Variants in TCOF1 observed in about 807,000 individuals in gnomAD.
TCOF1 encodes the protein treacle protein.
A neutral mutation model predicts 149.0 loss-of-function variants in TCOF1; 33 were observed. The observed-to-expected ratio is 0.22, with a 90% CI of 0.17 to 0.30. TCOF1 has a LOEUF of 0.30. Ranked by LOEUF, TCOF1 falls within the 10% of genes least tolerant of loss-of-function variation. The pLI is 1.00. For synonymous variants in TCOF1, 789 were observed against 738.8 expected (o/e 1.07, Z -1.10); for missense variants, 1,728 against 1,840.7 (o/e 0.94, Z 1.12).
chr5:150,398,579 A>G (rs1769083251), intron 25 of TCOF1, 128 bp downstream of exon 25: 5 of 1,433,234 alleles, frequency 3.5e-6, no homozygotes, highest in Admixed American at 3.7e-5. Context: ...AGGGGTTGTG[A>G]CACACCAGGG....
chr5:150,376,070 G>A lies in TCOF1; in HGVS notation c.1894-12G>A. 1 of 1,613,894 alleles carries A rather than the reference G, an allele frequency of 6.2e-7. No individual in the cohort carries two copies. Among genetic ancestry groups the A allele is most frequent in the Middle Eastern group, 1.6e-4 (1 of 6,062 alleles). ...AGGAACCTTCTCCAGCCTTTCTTTGGTGTCCCCTCAGGCAAAACCAGCTCT... is the reference window on the plus strand; with the variant it reads ...AGGAACCTTCTCCAGCCTTTCTTTGATGTCCCCTCAGGCAAAACCAGCTCT... On this transcript the variant is annotated splice_polypyrimidine_tract_variant and intron_variant, in intron 12 of 26. Coordinates refer to ENST00000643257, the MANE Select transcript of TCOF1 (RefSeq NM_001371623.1).
rs754073728 is a variant in TCOF1, at chr5:150,391,780, C to T, written c.3297+123C>T. ...CTGCACTTGGTTTGCCTCCCTCGGC[C>T]TCAGTGGCCTAATCTGTAAGAAGGA... On this transcript the variant is annotated intron_variant, in intron 20 of 26. Coordinates refer to ENST00000643257, the MANE Select transcript of TCOF1 (RefSeq NM_001371623.1). 182 of 1,191,132 alleles carry T rather than the reference C, an allele frequency of 1.5e-4. No homozygotes were observed. In the Middle Eastern group the frequency reaches 2.3e-3, roughly 15 times the overall value. The allele number at this position is 1,191,132 out of a possible 1,614,324, so 73.8% of individuals were successfully genotyped here.
chr5:150,362,802 T>C (rs1046420409), intron 2 of TCOF1, among the ~76,000 whole-genome samples: 14 of 152,282 alleles, frequency 9.2e-5, no homozygotes, highest in African/African-American at 3.1e-4. Context: ...TTATTCGTAG[T>C]ACTTCCTTCC....
intron 14 of TCOF1, among the ~76,000 whole-genome samples, chr5:150,378,313 TCTC>T (rs1172808020): frequency 6.6e-6 from 1 of 152,178 alleles, no homozygotes; most frequent in Non-Finnish European, 1.5e-5. Flanking sequence ...TTTTTTTTGT[TCTC>T]CTTCTATTTG....
intron 23 of TCOF1, 120 bp from the exon 24 acceptor site, chr5:150,396,162 C>T (rs946825661): frequency 1.7e-6 from 2 of 1,162,504 alleles, no homozygotes; most frequent in South Asian, 1.2e-5. Context: ...CCTTGCTCTC[C>T]CCATCTGTGC....
At chr5:150,394,416 T>TATCC (rs2151072690) in intron 23 of TCOF1, 1 of 152,476 alleles carries the variant, frequency 6.6e-6, no homozygotes, top group African/African-American at 2.4e-5. Flanking sequence ...GCAGTTGATG[T>TATCC]ATCCAGTCTG....
chr5:150,364,581 G>A (rs1446724614), intron 3 of TCOF1, among the ~76,000 whole-genome samples: 1 of 152,220 alleles, frequency 6.6e-6, no homozygotes, highest in Non-Finnish European at 1.5e-5. Flanking sequence ...AAGTACTGCT[G>A]GAGGGATTTC....
chr5:150,397,311 T>G (rs1360509468), intron 24 of TCOF1, among the ~76,000 whole-genome samples: 1 of 152,126 alleles, frequency 6.6e-6, no homozygotes, highest in Non-Finnish European at 1.5e-5. Flanking sequence ...CCAAGCCCAG[T>G]GCAGCAGATC....
At chr5:150,358,706 G>A (rs958742566) in intron 1 of TCOF1, among the ~76,000 whole-genome samples, 3 of 152,072 alleles carry the variant, frequency 2.0e-5, no homozygotes, top group Non-Finnish European at 4.4e-5. Flanking sequence ...GCATGTTGGC[G>A]CACGCCTGTA....
chr5:150,371,637 G>A (rs1390753054), intron 6 of TCOF1, among the ~76,000 whole-genome samples: 1 of 152,236 alleles, frequency 6.6e-6, no homozygotes, highest in African/African-American at 2.4e-5. Flanking sequence ...GCTGTGATCA[G>A]ATACTTGAGT....
rs1282950623 is a variant in TCOF1 at position 150,379,493 on chromosome 5, C to A, written c.2659-39C>A. On this transcript the variant is annotated intron_variant, in intron 16 of 26. Coordinates refer to ENST00000643257, the MANE Select transcript of TCOF1 (RefSeq NM_001371623.1). ...AGCTCCTGTCTTCTCACACGTCCAC[C>A]CTCCAGGCTCTCTCCTCTCATCCTG... The A allele has an allele frequency of 2.5e-6, 4 of 1,613,472 alleles. No individual in the cohort carries two copies. The Admixed American group carries it at 6.7e-5, about 27-fold the overall frequency.
rs965283952 is a variant in TCOF1 at position 150,391,077 on chromosome 5, T to C, written c.3184-467T>C. Among the ~76,000 whole-genome samples, 3 of 152,132 alleles carry C rather than the reference T, an allele frequency of 2.0e-5. No individual in the cohort carries two copies. The East Asian group carries it at 5.8e-4, about 29-fold the overall frequency. On this transcript the variant is annotated intron_variant, in intron 19 of 26. Transcript: ENST00000643257. ...AGGCAGGGAAACTGCAGGTACCAGG[T>C]CTTCGGGGGAAGCGCTTGGGAATGA...
intron 1 of TCOF1, among the ~76,000 whole-genome samples, chr5:150,358,226 C>T (rs1351607683): frequency 6.6e-6 from 1 of 152,098 alleles, no homozygotes; most frequent in African/African-American, 2.4e-5. Context: ...GAGGTTGCTG[C>T]GAGTCTCGGG....
At chr5:150,398,922 A>G (rs1259513588) in intron 25 of TCOF1, 100 bp from the exon 26 acceptor site, 11 of 1,554,322 alleles carry the variant, frequency 7.1e-6, no homozygotes, top group South Asian at 5.6e-5. Context: ...CAGACCCAGT[A>G]TCTATTCTAG....
chr5:150,398,364 CAAAGAA>C lies in TCOF1; in HGVS notation c.4360_4365del (p.Glu1454_Lys1455del), dbSNP rs1561543536. The stretch of plus-strand genomic sequence containing the variant: ...CTTTACTTCCCTTAGGAAAAAAAGA[CAAAGAA>C]AAAAAAGAAAAGAAGAAGAAAGCAA... On this transcript the variant is annotated inframe_deletion, in exon 25 of 27. Coordinates refer to ENST00000643257, the MANE Select transcript of TCOF1 (RefSeq NM_001371623.1). 1.2e-6 allele frequency: 2 copies of C among 1,610,788 alleles called. No individual in the cohort carries two copies. Among genetic ancestry groups the C allele is most frequent in the Non-Finnish European group, 1.7e-6 (2 of 1,179,142 alleles).
At chr5:150,375,592 C>G (rs200772825) in intron 11 of TCOF1, 38 bp downstream of exon 11, 2 of 1,613,584 alleles carry the variant, frequency 1.2e-6, no homozygotes, top group Non-Finnish European at 1.7e-6. Flanking sequence ...CTTTTTCCCC[C>G]CCACTCAGAG....
At position 150,391,594 on chromosome 5, in the gene TCOF1, G is replaced by T. The variant is rs1221637974; in HGVS notation, c.3234G>T (p.Lys1078Asn). 1.2e-6 allele frequency: 2 copies of T among 1,614,150 alleles called. No homozygotes were observed. The change falls in exon 20 of 27, where the codon AAG (lysine) becomes AAT (asparagine). Residue 1078 changes from lysine (K) to asparagine (N), a missense_variant. Lys to Asn is a moderately conservative substitution (Grantham distance 94). Coordinates refer to ENST00000643257, the MANE Select transcript of TCOF1 (RefSeq NM_001371623.1). ...ASLPLTQAAL[K>N]VLAQKASEAQ... ...TCCCACTGACCCAGGCTGCCCTGAA[G>T]GTCCTCGCCCAGAAAGCCAGTGAGG...
In TCOF1 at chr5:150,369,544, G is replaced by A. The variant is rs1487982964; in HGVS notation, c.581G>A (p.Gly194Asp). 6.2e-7 allele frequency: 1 copy of A among 1,613,998 alleles called. No homozygotes were observed. The highest frequency in any genetic ancestry group is 8.5e-7 in the Non-Finnish European group (1 of 1,180,034). Reference protein sequence around the residue: ...AAAKPGMVSAGQADSSSEDTS... With the variant: ...AAAKPGMVSADQADSSSEDTS... Reference sequence around the variant, plus strand: ...CGATCCTCAGGGATGGTGTCAGCGGGCCAGGCCGACAGCTCCAGCGAGGAC... The same window carrying A: ...CGATCCTCAGGGATGGTGTCAGCGGACCAGGCCGACAGCTCCAGCGAGGAC... Residue 194 changes from glycine to aspartate, a missense_variant, in exon 6 of 27, where the codon GGC becomes GAC. Transcript: ENST00000643257.
Position 150,364,192 on chromosome 5 carries a change from A to G in TCOF1, c.244A>G (p.Ile82Val). ...QAKKTRVSDP[I>V]STSESSEEEE... ...TAAGAAAACCCGTGTGTCAGACCCCATCAGCACCTCGGAGAGCTCGGAAGA... is the reference window on the plus strand; with the variant it reads ...TAAGAAAACCCGTGTGTCAGACCCCGTCAGCACCTCGGAGAGCTCGGAAGA... The change falls in exon 3 of 27, where the codon ATC (isoleucine) becomes GTC (valine). Residue 82 changes from isoleucine (I) to valine (V), a missense_variant. By Grantham distance (29) the Ile-to-Val change is conservative. This residue lies in a region of TCOF1 where 1,696 missense variants were observed against 1,765.4 expected (regional missense o/e 0.96). Coordinates refer to ENST00000643257, the MANE Select transcript of TCOF1 (RefSeq NM_001371623.1). 1.2e-6 allele frequency: 2 copies of G among 1,614,186 alleles called. No individual in the cohort carries two copies. Among genetic ancestry groups the G allele is most frequent in the Non-Finnish European group, 1.7e-6 (2 of 1,180,020 alleles).
Sources: gnomAD v4.1 joint callset for allele counts (sites outside exome capture counted in the v4.1 genomes callset) on GRCh38, gnomAD v4.1.1 for gene constraint, gnomAD v4.1.1 regional missense constraint, MANE v1.5 for transcripts, NCBI Gene and HGNC (gene_info 2026-07-23, HGNC 2026-07-21) for gene names.